ADGRB3: variants seen among roughly 807,000 people sequenced by gnomAD.
The protein encoded by ADGRB3 is adhesion G protein-coupled receptor B3, also known as brain-specific angiogenesis inhibitor 3.
ADGRB3 carries 37 observed loss-of-function variants against 193.4 expected under a neutral mutation model. The observed-to-expected ratio is 0.19, with a 90% CI of 0.15 to 0.25. ADGRB3 has a LOEUF of 0.25. ADGRB3 is among the 10% of genes least tolerant of loss of function. ADGRB3 has a pLI of 1.00. For synonymous variants in ADGRB3, 690 were observed against 644.2 expected, an observed-to-expected ratio of 1.07 and a Z score of -1.08; for missense variants, 1,637 against 1,852.9, an observed-to-expected ratio of 0.88 and a Z score of 2.14.
At chr6:68,945,852 T>C (rs894338228) in intron 6 of ADGRB3, among the ~76,000 whole-genome samples, 1 of 152,148 alleles carries the variant, frequency 6.6e-6, no homozygotes, top group Non-Finnish European at 1.5e-5. Context: ...TTGTGGAACT[T>C]TATCACTCAA....
intron 26 of ADGRB3, among the ~76,000 whole-genome samples, chr6:69,344,512 C>T (rs1235330958): frequency 6.6e-6 from 1 of 152,170 alleles, no homozygotes; most frequent in Non-Finnish European, 1.5e-5. Context: ...GCATCCTTAC[C>T]TGTCTAATCT....
chr6:69,174,609 A>G (rs1226448262), intron 17 of ADGRB3, among the ~76,000 whole-genome samples: 3 of 152,214 alleles, frequency 2.0e-5, no homozygotes, highest in Non-Finnish European at 4.4e-5. Flanking sequence ...CTTTGGGTAT[A>G]TACCCCACAA....
intron 3 of ADGRB3, among the ~76,000 whole-genome samples, chr6:68,669,138 T>G (rs556048105): frequency 1.3e-5 from 2 of 151,946 alleles, no homozygotes; most frequent in African/African-American, 4.8e-5. Flanking sequence ...ACATGAGATG[T>G]TTCCACAGGC....
intron 17 of ADGRB3, among the ~76,000 whole-genome samples, chr6:69,183,073 C>T (rs1048500916): frequency 3.9e-5 from 6 of 152,184 alleles, no homozygotes; most frequent in Admixed American, 1.3e-4. Flanking sequence ...TCTATGCCAA[C>T]GAAGCAATTT....
At chr6:69,011,486 G>A (rs2150284186) in intron 11 of ADGRB3, among the ~76,000 whole-genome samples, 1 of 151,930 alleles carries the variant, frequency 6.6e-6, no homozygotes, top group Non-Finnish European at 1.5e-5. Flanking sequence ...AGTGGGGAGG[G>A]AGGGAAGGAG....
At chr6:68,747,545 T>C (rs2127345410) in intron 3 of ADGRB3, among the ~76,000 whole-genome samples, 1 of 152,346 alleles carries the variant, frequency 6.6e-6, no homozygotes, top group Middle Eastern at 3.4e-3. Context: ...TGACTCAGAA[T>C]CTGAACATAC....
chr6:68,791,085 A>G (rs900635007), intron 3 of ADGRB3, among the ~76,000 whole-genome samples: 2 of 151,522 alleles, frequency 1.3e-5, no homozygotes, highest in Non-Finnish European at 2.9e-5. Flanking sequence ...TCTTTAAGTG[A>G]CAAATTACAT....
chr6:68,661,875 C>T (rs936833708), intron 3 of ADGRB3, among the ~76,000 whole-genome samples: 1 of 150,904 alleles, frequency 6.6e-6, no homozygotes, highest in Non-Finnish European at 1.5e-5. Flanking sequence ...GAGGCTTCTG[C>T]AGTAATCCAA....
At chr6:69,283,742 A>G (rs1767489364) in intron 20 of ADGRB3, among the ~76,000 whole-genome samples, 1 of 152,192 alleles carries the variant, frequency 6.6e-6, no homozygotes, top group Admixed American at 6.5e-5. Flanking sequence ...ACCAATGTGT[A>G]GTCCACTTCA....
At chr6:69,018,036 G>A (rs1770147475) in intron 12 of ADGRB3, among the ~76,000 whole-genome samples, 1 of 151,790 alleles carries the variant, frequency 6.6e-6, no homozygotes, top group South Asian at 2.1e-4. Flanking sequence ...TAGATGCCAA[G>A]CTAAACATGT....
chr6:69,087,367 T>C (rs1772580653), intron 17 of ADGRB3, among the ~76,000 whole-genome samples: 2 of 152,182 alleles, frequency 1.3e-5, no homozygotes, highest in Admixed American at 1.3e-4. Context: ...GTTAGTGCTA[T>C]GGTCTGAATG....
At chr6:68,776,130 A>G (rs938539264) in intron 3 of ADGRB3, among the ~76,000 whole-genome samples, 4 of 152,146 alleles carry the variant, frequency 2.6e-5, no homozygotes, top group Non-Finnish European at 4.4e-5. Context: ...GCTTCTGCTT[A>G]TCCTACTTCC....
intron 4 of ADGRB3, among the ~76,000 whole-genome samples, chr6:68,935,459 A>C (rs1331923480): frequency 6.6e-6 from 1 of 152,214 alleles, no homozygotes; most frequent in Admixed American, 6.5e-5. Flanking sequence ...AATTATAAAC[A>C]GAAACATAAA....
chr6:68,910,587 G>T (rs544309474), intron 3 of ADGRB3, among the ~76,000 whole-genome samples: 56 of 152,046 alleles, frequency 3.7e-4, no homozygotes, highest in African/African-American at 1.3e-3. Context: ...TTTGTATAAG[G>T]TGTAAGGAAG....
Position 69,333,787 on chromosome 6 carries a change from G to A in ADGRB3, c.3188+779G>A, listed in dbSNP as rs1768777711. The stretch of plus-strand genomic sequence containing the variant: ...TACTAAAAATGCAAAAAAATTAGCC[G>A]GGCGAGGTGGTGGGCGCCTGTAGTC... On this transcript the variant is annotated intron_variant, in intron 24 of 31. Transcript: ENST00000370598. Among the ~76,000 whole-genome samples, 3 of 150,914 alleles carry A rather than the reference G, an allele frequency of 2.0e-5. No individual in the cohort carries two copies. In the South Asian group the frequency reaches 6.3e-4, roughly 32 times the overall value.
At chr6:69,089,976 T>G (rs541449391) in intron 17 of ADGRB3, among the ~76,000 whole-genome samples, 1 of 152,240 alleles carries the variant, frequency 6.6e-6, no homozygotes, top group Admixed American at 6.5e-5. Context: ...TGCCCCCAAC[T>G]TAGAATAACA....
At chr6:68,781,916 T>A (rs556214892) in intron 3 of ADGRB3, among the ~76,000 whole-genome samples, 1 of 152,104 alleles carries the variant, frequency 6.6e-6, no homozygotes, top group Non-Finnish European at 1.5e-5. Context: ...GAAGTGTAGG[T>A]AATAAACCTC....
At chr6:69,354,415 A>T in intron 27 of ADGRB3, 87 bp downstream of exon 27, 1 of 1,161,958 alleles carries the variant, frequency 8.6e-7, no homozygotes, top group Non-Finnish European at 1.3e-6. Flanking sequence ...ATAGTGTAAA[A>T]TTTTCATTTT....
At chr6:68,860,481 A>T (rs1765121776) in intron 3 of ADGRB3, among the ~76,000 whole-genome samples, 1 of 152,182 alleles carries the variant, frequency 6.6e-6, no homozygotes, top group Non-Finnish European at 1.5e-5. Context: ...ATGAGGATAA[A>T]TGATAATTGA....
Sources: gnomAD v4.1 joint callset for allele counts (sites outside exome capture counted in the v4.1 genomes callset) on GRCh38, gnomAD v4.1.1 for gene constraint, MANE v1.5 for transcripts, NCBI Gene and HGNC (gene_info 2026-07-23, HGNC 2026-07-21) for gene names.